Variants in TP73 observed in about 807,000 individuals in gnomAD.
TP73 encodes the protein p53-like transcription factor.
In TP73, 25 loss-of-function variants were observed where a neutral mutation model predicts 62.5. That is an observed-to-expected ratio of 0.40 (90% confidence interval 0.29 to 0.56). The LOEUF (loss-of-function observed/expected upper bound fraction) is 0.56. TP73 is among the 20% of genes least tolerant of loss of function. TP73 has a pLI of 0.46. For synonymous variants in TP73, 423 were observed against 377.5 expected (o/e 1.12, Z -1.40); for missense variants, 754 against 913.3 (o/e 0.83, Z 2.25).
intron 3 of TP73, among the ~76,000 whole-genome samples, chr1:3,687,875 G>A (rs1263919929): frequency 6.6e-6 from 1 of 152,172 alleles, no homozygotes; most frequent in Non-Finnish European, 1.5e-5. Flanking sequence ...GGGAGCCCCG[G>A]GAACCCAGTG....
At position 3,699,003 on chromosome 1, in the gene TP73, T is replaced by C. The variant is rs1638920093; in HGVS notation, c.187-8546T>C. ...GTTCCACATGGCCCTGGCACGGGAT[T>C]GGGCAAGGCCTCGCCTCAGCCCCGG... On this transcript the variant is annotated intron_variant, in intron 3 of 13. Coordinates refer to ENST00000378295, the MANE Select transcript of TP73 (RefSeq NM_005427.4). The surrounding 1 kb of genome is among the most constrained non-coding windows in gnomAD (Gnocchi z 4.1). 6.6e-6 allele frequency among the ~76,000 whole-genome samples: 1 copy of C among 151,208 alleles called. No individual in the cohort carries two copies. The highest frequency in any genetic ancestry group is 2.1e-4 in the South Asian group (1 of 4,806).
chr1:3,692,174 G>A (rs1241755521), intron 3 of TP73, among the ~76,000 whole-genome samples: 1 of 152,110 alleles, frequency 6.6e-6, no homozygotes, highest in Non-Finnish European at 1.5e-5. Flanking sequence ...GATTTGGGTG[G>A]GTAGGTGCTC....
In TP73 at chr1:3,729,418, A is replaced by T. The variant is rs762748826; in HGVS notation, c.1166A>T (p.Tyr389Phe). Residue 389 changes from tyrosine (Y) to phenylalanine (F), a missense_variant, in exon 10 of 14, where the codon TAT becomes TTT. Tyr to Phe is a conservative substitution (Grantham distance 22). This residue lies in a region of TP73 where 458 missense variants were observed against 528.7 expected (regional missense o/e 0.87). Transcript: ENST00000378295. ...ELVPQPLVDS[Y>F]RQQQQLLQRP... is the part of the protein sequence containing the mutation. ...GTGCCGCAGCCACTGGTGGACTCCT[A>T]TCGGCAGCAGCAGCAGCTCCTACAG... 6.2e-7 allele frequency: 1 copy of T among 1,612,900 alleles called. No homozygotes were observed. The highest frequency in any genetic ancestry group is 1.7e-5 in the Admixed American group (1 of 60,008).
intron 1 of TP73, among the ~76,000 whole-genome samples, chr1:3,674,578 G>C (rs996158602): frequency 6.6e-6 from 1 of 152,240 alleles, no homozygotes; most frequent in Non-Finnish European, 1.5e-5. Context: ...TGGCCCCATC[G>C]TACCCACAGA....
rs868311473 is a variant in TP73 at position 3,729,945 on chromosome 1, G to A, written c.1197-55G>A. On this transcript the variant is annotated intron_variant, in intron 10 of 13. Transcript: ENST00000378295. ...GGGGGCATCACGGGCATGGGTGGTC[G>A]GTGGGCACGAGGCTGCCTTGCTTCC... is the stretch of plus-strand genomic sequence containing the variant. The A allele has an allele frequency of 1.4e-5, 21 of 1,526,794 alleles. 1 individual carries two copies. The highest frequency in any genetic ancestry group is 3.7e-4 in the Middle Eastern group (2 of 5,444). 94.6% of individuals were successfully genotyped at this position (1,526,794 alleles called of 1,614,324 possible).
At chr1:3,678,061 C>A (rs765960990) in intron 1 of TP73, among the ~76,000 whole-genome samples, 1 of 152,192 alleles carries the variant, frequency 6.6e-6, no homozygotes, top group Non-Finnish European at 1.5e-5. Flanking sequence ...AATGTATTTG[C>A]ATTTTATGAT....
chr1:3,665,916 C>G (rs1344308015), intron 1 of TP73, among the ~76,000 whole-genome samples: 1 of 148,976 alleles, frequency 6.7e-6, no homozygotes, highest in Non-Finnish European at 1.5e-5. Flanking sequence ...AGGTGGATCA[C>G]CAGGTCAGGA....
rs187389353 is a variant in TP73, at chr1:3,687,450, C to T, written c.186+4270C>T. 1.6e-3 allele frequency among the ~76,000 whole-genome samples: 248 copies of T among 152,270 alleles called. 2 individuals are homozygous for T. Among genetic ancestry groups the T allele is most frequent in the South Asian group, 6.4e-3 (31 of 4,830 alleles). The stretch of plus-strand genomic sequence containing the variant: ...AGGCAGTGTGGGTGTGATGGTGGGG[C>T]GGGGGTCCTATCCTCACCCGGACCC... On this transcript the variant is annotated intron_variant, in intron 3 of 13. Coordinates refer to ENST00000378295, the MANE Select transcript of TP73 (RefSeq NM_005427.4).
chr1:3,733,104 G>A lies in TP73; in HGVS notation c.*25G>A, dbSNP rs376318441. 3.7e-4 allele frequency: 565 copies of A among 1,508,536 alleles called. No individual in the cohort carries two copies. The highest frequency in any genetic ancestry group is 4.6e-4 in the Non-Finnish European group (516 of 1,129,226). The allele number at this position is 1,508,536 out of a possible 1,614,324, so 93.4% of individuals were successfully genotyped here. ...AGGGCCTCGCCTGGCTGCAGCCTGC[G>A]CCACCGCCCAGAGACCCAAGCTGCC... On this transcript the variant is annotated 3_prime_UTR_variant, in exon 14 of 14. Transcript: ENST00000378295.
In TP73 at chr1:3,730,946, C is replaced by T; in HGVS notation, c.1365C>T (p.Asn455=). The T allele has an allele frequency of 1.2e-6, 2 of 1,609,310 alleles. No homozygotes were observed. The highest frequency in any genetic ancestry group is 1.7e-6 in the Non-Finnish European group (2 of 1,178,498). ...LGPVGPGMLN[N]HGHAVPANGE... ...ACCCAGGCCCCGGGATGCTCAACAA[C>T]CATGGCCACGCAGTGCCAGCCAACG... Residue 455 remains asparagine, a synonymous_variant, in exon 12 of 14, where the codon AAC becomes AAT. Coordinates refer to ENST00000378295, the MANE Select transcript of TP73 (RefSeq NM_005427.4).
In TP73 at chr1:3,662,026, T is replaced by G. The variant is rs919690012; in HGVS notation, c.-34+9385T>G. The G allele has an allele frequency of 1.3e-5, 2 of 151,422 alleles. No individual in the cohort carries two copies. Among genetic ancestry groups the G allele is most frequent in the African/African-American group, 2.4e-5 (1 of 41,188 alleles). The allele number at this position is 151,422 out of a possible 1,614,324, so 9.4% of individuals were successfully genotyped here. On this transcript the variant is annotated intron_variant, in intron 1 of 13. Transcript: ENST00000378295. This position sits in a 1 kb window ranked among gnomAD's most constrained non-coding sequence, Gnocchi z 4.4. ...ATGAACTATGATGGTGCCACTGCAC[T>G]CTAGCCTGGGTGACAGAGTGAGACC...
At chr1:3,692,834 C>T (rs1167562003) in intron 3 of TP73, among the ~76,000 whole-genome samples, 2 of 152,050 alleles carry the variant, frequency 1.3e-5, no homozygotes, top group Admixed American at 6.6e-5. Context: ...ACGCCATTCC[C>T]GGGAGGGGTG....
intron 4 of TP73, among the ~76,000 whole-genome samples, chr1:3,717,356 C>A (rs771752279): frequency 6.6e-6 from 1 of 152,166 alleles, no homozygotes; most frequent in Non-Finnish European, 1.5e-5. Context: ...CGGAGAGGAG[C>A]CGGCAGCGTG....
Position 3,707,770 on chromosome 1 carries a change from G to A in TP73, c.408G>A (p.Thr136=), listed in dbSNP as rs150280219. Reference sequence around the variant, plus strand: ...AGGTCACTTTCCAGCAGTCCAGCACGGCCAAGTCAGCCACCTGGACGGTGA... The same window carrying A: ...AGGTCACTTTCCAGCAGTCCAGCACAGCCAAGTCAGCCACCTGGACGGTGA... ...HFEVTFQQSS[T]AKSATWTYSP... Residue 136 remains threonine (T), a synonymous_variant, in exon 4 of 14, where the codon ACG becomes ACA. Coordinates refer to ENST00000378295, the MANE Select transcript of TP73 (RefSeq NM_005427.4). The A allele has an allele frequency of 6.6e-4, 1,058 of 1,612,802 alleles. 5 individuals are homozygous for A. Among genetic ancestry groups the A allele is most frequent in the South Asian group, 6.2e-3 (561 of 91,074 alleles).
rs942793094 is a variant in TP73, at chr1:3,708,371, C to T, written c.429+580C>T. 1.4e-4 allele frequency: 23 copies of T among 160,084 alleles called. 1 individual carries two copies. The highest frequency in any genetic ancestry group is 3.8e-4 in the African/African-American group (16 of 41,650). 9.9% of individuals were successfully genotyped at this position (160,084 alleles called of 1,614,324 possible). ...GTGCCCCTGGAGACAGACTGGCCCA[C>T]GGTGGGGATCTTGCTAATTCTGATA... On this transcript the variant is annotated intron_variant, in intron 4 of 13. Coordinates refer to ENST00000378295, the MANE Select transcript of TP73 (RefSeq NM_005427.4).
intron 3 of TP73, among the ~76,000 whole-genome samples, chr1:3,707,287 G>A (rs935992269): frequency 1.3e-5 from 2 of 152,196 alleles, no homozygotes; most frequent in Admixed American, 6.5e-5. Context: ...TGTGCAGAGA[G>A]TCTATTCCGC....
At chr1:3,726,574 G>C (rs181545341) in intron 6 of TP73, among the ~76,000 whole-genome samples, 67 of 148,546 alleles carry the variant, frequency 4.5e-4, no homozygotes, top group Non-Finnish European at 9.2e-4. Context: ...ATAATAAGTG[G>C]GGGAGTGGAT....
intron 3 of TP73, chr1:3,697,969 C>T (rs1022668560): frequency 1.1e-5 from 6 of 527,496 alleles, no homozygotes; most frequent in Non-Finnish European, 1.2e-5. Flanking sequence ...GTGACTGCCT[C>T]CCCCTCCCTG....
intron 1 of TP73, among the ~76,000 whole-genome samples, chr1:3,674,138 G>A (rs918445997): frequency 2.6e-5 from 4 of 152,230 alleles, no homozygotes; most frequent in Non-Finnish European, 5.9e-5. Context: ...TTGGCTGAGT[G>A]TGAACTGACC....
Sources: allele counts gnomAD v4.1 joint callset (sites outside exome capture counted in the v4.1 genomes callset), GRCh38; gene constraint gnomAD v4.1.1; regional missense constraint gnomAD v4.1.1; non-coding constraint Gnocchi (gnomAD v3.1); transcripts MANE v1.5; gene names NCBI Gene and HGNC (gene_info 2026-07-23, HGNC 2026-07-21).